The following SLC16A12 variants were observed in gnomAD, a reference collection of about 807,000 sequenced individuals.
The protein encoded by SLC16A12 is monocarboxylate transporter 12.
Under a neutral mutation model 42.4 loss-of-function variants are expected in SLC16A12, and 17 were observed. That is an observed-to-expected ratio of 0.40 (90% CI 0.27 to 0.60). SLC16A12 has a LOEUF of 0.60. SLC16A12 is among the 20% of genes least tolerant of loss of function. The pLI is 0.42. For synonymous variants in SLC16A12, 224 were observed against 229.4 expected, an observed-to-expected ratio of 0.98 and a Z score of 0.21; for missense variants, 544 against 623.0, an observed-to-expected ratio of 0.87 and a Z score of 1.35.
intron 3 of SLC16A12, among the ~76,000 whole-genome samples, chr10:89,451,903 G>T (rs1049718165): frequency 6.6e-6 from 1 of 152,180 alleles, no homozygotes; most frequent in African/African-American, 2.4e-5. Context: ...CCAGTATGAG[G>T]TAAGTGTGTT....
At chr10:89,520,113 A>G (rs77792527) in intron 2 of SLC16A12, among the ~76,000 whole-genome samples, 1 of 148,380 alleles carries the variant, frequency 6.7e-6, no homozygotes, top group Non-Finnish European at 1.5e-5. Context: ...ACTCTGTCTG[A>G]AAAAAAAAAA....
intron 2 of SLC16A12, among the ~76,000 whole-genome samples, chr10:89,498,331 A>AAAGAG (rs539746719): frequency 5.3e-5 from 8 of 152,262 alleles, no homozygotes; most frequent in Admixed American, 2.6e-4. Flanking sequence ...GACTGTGTTG[A>AAAGAG]AAGAGAAGAG....
Position 89,462,370 on chromosome 10 carries a change from C to T in SLC16A12, c.200+9G>A. 1 of 1,613,856 alleles carries T rather than the reference C, an allele frequency of 6.2e-7. No homozygotes were observed. The highest frequency in any genetic ancestry group is 1.1e-5 in the South Asian group (1 of 91,074). ...CATCTTAATAAGTTAAGAAGAAAAT[C>T]CTACCTACCTTGTGACTGCCCGTGT... On this transcript the variant is annotated intron_variant, in intron 3 of 7. Coordinates refer to ENST00000371790, the MANE Select transcript of SLC16A12 (RefSeq NM_213606.4).
intron 2 of SLC16A12, among the ~76,000 whole-genome samples, chr10:89,547,439 T>C (rs1232987504): frequency 6.6e-6 from 1 of 152,164 alleles, no homozygotes; most frequent in South Asian, 2.1e-4. Context: ...CTAAATCCAG[T>C]ACAAATAAAT....
chr10:89,481,664 T>A (rs7907677), intron 2 of SLC16A12, among the ~76,000 whole-genome samples: 14,273 of 139,466 alleles, frequency 0.1, 1,915 homozygotes, highest in African/African-American at 0.31. Context: ...TGTGTGTGTG[T>A]GAGAGAGAGA....
At chr10:89,476,136 A>G (rs1320830593) in intron 2 of SLC16A12, among the ~76,000 whole-genome samples, 1 of 152,140 alleles carries the variant, frequency 6.6e-6, no homozygotes, top group Non-Finnish European at 1.5e-5. Context: ...TAACTCTTTT[A>G]TTCTAATTTT....
chr10:89,456,498 T>C (rs1842192590), intron 3 of SLC16A12, among the ~76,000 whole-genome samples: 1 of 152,182 alleles, frequency 6.6e-6, no homozygotes, highest in South Asian at 2.1e-4. Flanking sequence ...TAGCCTGCAA[T>C]TACACATGAA....
At chr10:89,466,116 C>A (rs1455205314) in intron 2 of SLC16A12, among the ~76,000 whole-genome samples, 1 of 152,132 alleles carries the variant, frequency 6.6e-6, no homozygotes, top group Non-Finnish European at 1.5e-5. Context: ...GTCTCTGAGC[C>A]TCAGTTTACT....
At chr10:89,462,842 T>C in intron 2 of SLC16A12, 1 of 450,436 alleles carries the variant, frequency 2.2e-6, no homozygotes, top group Non-Finnish European at 3.8e-6. Context: ...GCATGTCTAC[T>C]CTATTTGATA....
intron 2 of SLC16A12, among the ~76,000 whole-genome samples, chr10:89,476,325 C>A (rs1203228098): frequency 6.6e-6 from 1 of 152,130 alleles, no homozygotes; most frequent in Non-Finnish European, 1.5e-5. Context: ...ACTCTGTAAT[C>A]GCTGCCATCC....
At chr10:89,465,426 C>T (rs559640891) in intron 2 of SLC16A12, among the ~76,000 whole-genome samples, 72 of 152,310 alleles carry the variant, frequency 4.7e-4, no homozygotes, top group African/African-American at 1.7e-3. Context: ...ATTGGTATTT[C>T]CCTGAAACAT....
rs536517164 is a variant in SLC16A12, at chr10:89,499,670, T to C, written c.-47+34831A>G. Among the ~76,000 whole-genome samples, 60 of 152,268 alleles carry C rather than the reference T, an allele frequency of 3.9e-4. 1 individual carries two copies. The South Asian group carries it at 0.012, about 31-fold the overall frequency. On this transcript the variant is annotated intron_variant, in intron 2 of 7. Coordinates refer to ENST00000371790, the MANE Select transcript of SLC16A12 (RefSeq NM_213606.4). ...AAGTCAGTGCTAAGAGGAAAGTTCA[T>C]AGCCCTAAATGCCTACATCAAAAAG...
At position 89,512,961 on chromosome 10, in the gene SLC16A12, ATTGC is replaced by A. The variant is rs1589718663; in HGVS notation, c.-47+21536_-47+21539del. Reference sequence around the variant, plus strand: ...GTAGATAGTTTCAGAACTGAGTTAAATTGCAGGACACCTAGGTGGTATCTGTAGA... The same window carrying A: ...GTAGATAGTTTCAGAACTGAGTTAAAAGGACACCTAGGTGGTATCTGTAGA... On this transcript the variant is annotated intron_variant, in intron 2 of 7. Transcript: ENST00000371790. Among the ~76,000 whole-genome samples the A allele has an allele frequency of 2.6e-5, 4 of 152,298 alleles. No individual in the cohort carries two copies. The East Asian group carries it at 7.7e-4, about 29-fold the overall frequency.
chr10:89,521,763 T>C (rs570054979), intron 2 of SLC16A12, among the ~76,000 whole-genome samples: 37 of 152,352 alleles, frequency 2.4e-4, no homozygotes, highest in African/African-American at 8.2e-4. Context: ...TCAATTGTAA[T>C]CTGGCTGAAG....
intron 2 of SLC16A12, among the ~76,000 whole-genome samples, chr10:89,502,293 A>T (rs1431746660): frequency 6.6e-6 from 1 of 151,804 alleles, no homozygotes; most frequent in African/African-American, 2.4e-5. Flanking sequence ...TACTAAAAAT[A>T]AAAAAAATTA....
intron 2 of SLC16A12, among the ~76,000 whole-genome samples, chr10:89,498,656 C>T (rs1486148850): frequency 1.3e-5 from 2 of 152,136 alleles, no homozygotes; most frequent in African/African-American, 4.8e-5. Flanking sequence ...ATTTTTGTTC[C>T]AGAATGACTG....
At chr10:89,490,519 G>T (rs527462471) in intron 2 of SLC16A12, among the ~76,000 whole-genome samples, 1 of 152,090 alleles carries the variant, frequency 6.6e-6, no homozygotes, top group African/African-American at 2.4e-5. Flanking sequence ...ACAGAACTCA[G>T]GGAAAAATCT....
intron 2 of SLC16A12, among the ~76,000 whole-genome samples, chr10:89,553,308 ACAGT>A (rs1483942735): frequency 1.3e-5 from 2 of 152,230 alleles, no homozygotes; most frequent in Non-Finnish European, 2.9e-5. Flanking sequence ...GTAATCCATT[ACAGT>A]CAGAGTGGTA....
intron 2 of SLC16A12, among the ~76,000 whole-genome samples, chr10:89,473,474 A>C (rs914381319): frequency 6.6e-6 from 1 of 152,234 alleles, no homozygotes; most frequent in African/African-American, 2.4e-5. Flanking sequence ...CAGAGGGAAA[A>C]AAATCTTTAT....
Sources: gnomAD v4.1 joint callset for allele counts (sites outside exome capture counted in the v4.1 genomes callset) on GRCh38, gnomAD v4.1.1 for gene constraint, MANE v1.5 for transcripts, NCBI Gene and HGNC (gene_info 2026-07-23, HGNC 2026-07-21) for gene names.